MCRS1: variants seen among roughly 807,000 people sequenced by gnomAD.
MCRS1 encodes the protein microspherule protein 1, also known as 58 kDa microspherule protein.
A neutral mutation model predicts 62.9 loss-of-function variants in MCRS1; 22 were observed. The observed-to-expected ratio is 0.35, with a 90% CI of 0.25 to 0.50. The LOEUF is 0.50. MCRS1 is among the 20% of genes least tolerant of loss of function. The pLI is 0.98. For synonymous variants in MCRS1, 244 were observed against 233.5 expected, an observed-to-expected ratio of 1.04 and a Z score of -0.41; for missense variants, 456 against 601.1, an observed-to-expected ratio of 0.76 and a Z score of 2.52.
At position 49,559,610 on chromosome 12, in the gene MCRS1, A is replaced by G; in HGVS notation, c.1004-75T>C. 6.3e-7 allele frequency: 1 copy of G among 1,594,574 alleles called. No individual in the cohort carries two copies. The highest frequency in any genetic ancestry group is 8.6e-7 in the Non-Finnish European group (1 of 1,167,530). ...AAGGCAGGGAACCAGGGCAAGGTTT[A>G]TAAGGGAAGGGGGTCGGGGCCTGGG... On this transcript the variant is annotated intron_variant, in intron 11 of 14. Coordinates refer to ENST00000343810, the MANE Select transcript of MCRS1 (RefSeq NM_006337.5). This position sits in a 1 kb window ranked among gnomAD's most constrained non-coding sequence, Gnocchi z 5.2.
chr12:49,563,274 GGCTCT>G (rs1938871234), intron 7 of MCRS1, 135 bp from the exon 8 acceptor site: 2 of 1,437,746 alleles, frequency 1.4e-6, no homozygotes, highest in Non-Finnish European at 1.9e-6. Context: ...AGTCAGGCTT[GGCTCT>G]TCCTGAGGCC....
Position 49,559,934 on chromosome 12 carries a change from C to T in MCRS1, c.910+5G>A, listed in dbSNP as rs770772718. ...CCCCTCACCACCCCATGAGGCCATA[C>T]TTACCATGTTCCAGGACCTCATCTC... On this transcript the variant is annotated splice_donor_5th_base_variant and intron_variant, in intron 10 of 14. Coordinates refer to ENST00000343810, the MANE Select transcript of MCRS1 (RefSeq NM_006337.5). The surrounding 1 kb of genome is among the most constrained non-coding windows in gnomAD (Gnocchi z 5.2). 2 of 1,614,114 alleles carry T rather than the reference C, an allele frequency of 1.2e-6. No individual in the cohort carries two copies. Among genetic ancestry groups the T allele is most frequent in the African/African-American group, 2.7e-5 (2 of 74,944 alleles).
chr12:49,558,555 T>C lies in MCRS1; in HGVS notation c.*88A>G, dbSNP rs899673252. On this transcript the variant is annotated 3_prime_UTR_variant, in exon 15 of 15. Coordinates refer to ENST00000343810, the MANE Select transcript of MCRS1 (RefSeq NM_006337.5). The stretch of plus-strand genomic sequence containing the variant: ...AGCTGAGCCTCCCACTGCCCAGGTT[T>C]TTCCAGGAGCCTGAGTTCCCAGCTC... 2.8e-6 allele frequency: 4 copies of C among 1,414,840 alleles called. No homozygotes were observed. Among genetic ancestry groups the C allele is most frequent in the Non-Finnish European group, 2.9e-6 (3 of 1,021,488 alleles). The allele number at this position is 1,414,840 out of a possible 1,614,324, so 87.6% of individuals were successfully genotyped here. A position where few individuals can be genotyped will look rare whatever the true frequency, so the allele number is the denominator to read the frequency against.
chr12:49,563,339 T>C, intron 7 of MCRS1, 99 bp downstream of exon 7: 1 of 1,373,438 alleles, frequency 7.3e-7, no homozygotes, highest in Non-Finnish European at 1.0e-6. Context: ...TGTGCACATA[T>C]CCAGACAGTG....
At chr12:49,558,997 T>C (rs753480671) in intron 13 of MCRS1, 27 bp from the exon 14 acceptor site, 5 of 1,600,070 alleles carry the variant, frequency 3.1e-6, no homozygotes, top group Admixed American at 3.4e-5. Context: ...AAAGAAGGGA[T>C]GATGGGATGG....
At chr12:49,562,227 G>T (rs1306042116) in intron 8 of MCRS1, among the ~76,000 whole-genome samples, 1 of 152,200 alleles carries the variant, frequency 6.6e-6, no homozygotes, top group African/African-American at 2.4e-5. Context: ...TGTTTGAACT[G>T]TGTGAAAAAC....
intron 2 of MCRS1, 28 bp downstream of exon 2, chr12:49,566,694 T>C (rs200321716): frequency 5.0e-6 from 8 of 1,613,904 alleles, no homozygotes; most frequent in Non-Finnish European, 6.8e-6. Flanking sequence ...GCCCGAGCAT[T>C]TGGGGAGCTG....
intron 9 of MCRS1, 24 bp downstream of exon 9, chr12:49,560,271 C>A: frequency 6.2e-7 from 1 of 1,612,106 alleles, no homozygotes; most frequent in Non-Finnish European, 8.5e-7. Context: ...CTCTCCACCC[C>A]TTCCTGTGTC....
At chr12:49,563,316 G>T in intron 7 of MCRS1, 122 bp downstream of exon 7, 1 of 1,346,098 alleles carries the variant, frequency 7.4e-7, no homozygotes, top group South Asian at 1.3e-5. Flanking sequence ...CTGCCAATGT[G>T]CACACGTGTG....
Position 49,558,619 on chromosome 12 carries a change from G to A in MCRS1, c.*24C>T. On this transcript the variant is annotated 3_prime_UTR_variant, in exon 15 of 15. Coordinates refer to ENST00000343810, the MANE Select transcript of MCRS1 (RefSeq NM_006337.5). ...TGGCAGGGGAAACAGGCCGGAGAGG[G>A]CCCACGAGTCCTGCCACCACTCCTC... is the stretch of plus-strand genomic sequence containing the variant. 1 of 1,607,142 alleles carries A rather than the reference G, an allele frequency of 6.2e-7. No individual in the cohort carries two copies. Among genetic ancestry groups the A allele is most frequent in the Non-Finnish European group, 8.5e-7 (1 of 1,176,760 alleles).
At chr12:49,566,432 C>A in intron 2 of MCRS1, 1 of 1,572,468 alleles carries the variant, frequency 6.4e-7, no homozygotes, top group South Asian at 1.2e-5. Context: ...CCCGGTGCCA[C>A]GTGTCATGTC....
Position 49,558,688 on chromosome 12 carries a change from G to A in MCRS1, c.1344C>T (p.Leu448=). Residue 448 remains leucine, a synonymous_variant, in exon 15 of 15, where the codon CTC becomes CTT. Coordinates refer to ENST00000343810, the MANE Select transcript of MCRS1 (RefSeq NM_006337.5). Reference sequence around the variant, plus strand: ...CAGCCTCAGCCCTGATGAGGGCAATGAGGTCCTGGTTGATAAGGAAGACGA... The same window carrying A: ...CAGCCTCAGCCCTGATGAGGGCAATAAGGTCCTGGTTGATAAGGAAGACGA... The part of the protein sequence containing the change: ...LRFVFLINQD[L]IALIRAEAAK... 2 of 1,613,936 alleles carry A rather than the reference G, an allele frequency of 1.2e-6. No homozygotes were observed. The highest frequency in any genetic ancestry group is 1.7e-6 in the Non-Finnish European group (2 of 1,180,028).
At position 49,559,693 on chromosome 12, in the gene MCRS1, TG is replaced by T. The variant is rs755731046; in HGVS notation, c.1003+35del. On this transcript the variant is annotated intron_variant, in intron 11 of 14. Transcript: ENST00000343810. The surrounding 1 kb of genome is among the most constrained non-coding windows in gnomAD (Gnocchi z 5.2). ...GGGCACAGGCTGGGGCGAAGGATGC[TG>T]AAGAGTGAGCCTTCTGGTGCCCAGG... 1.9e-5 allele frequency: 31 copies of T among 1,611,906 alleles called. No individual in the cohort carries two copies. The African/African-American group carries it at 3.5e-4, about 18-fold the overall frequency.
Position 49,559,692 on chromosome 12 carries a change from C to G in MCRS1, c.1003+37G>C. Reference sequence around the variant, plus strand: ...GGGGCACAGGCTGGGGCGAAGGATGCTGAAGAGTGAGCCTTCTGGTGCCCA... The same window carrying G: ...GGGGCACAGGCTGGGGCGAAGGATGGTGAAGAGTGAGCCTTCTGGTGCCCA... On this transcript the variant is annotated intron_variant, in intron 11 of 14. Transcript: ENST00000343810. This position sits in a 1 kb window ranked among gnomAD's most constrained non-coding sequence, Gnocchi z 5.2. 1 of 1,611,378 alleles carries G rather than the reference C, an allele frequency of 6.2e-7. No homozygotes were observed. Among genetic ancestry groups the G allele is most frequent in the Non-Finnish European group, 8.5e-7 (1 of 1,177,914 alleles).
Position 49,566,143 on chromosome 12 carries a change from A to G in MCRS1, c.83T>C (p.Leu28Pro). ...TASRSEDEES[L>P]AGQKRASSQA... is the part of the protein sequence containing the mutation. Reference sequence around the variant, plus strand: ...GGAGGAGGCTCGCTTCTGCCCTGCCAGTGACTCCTCATCCTCTGAGCGGCT... The same window carrying G: ...GGAGGAGGCTCGCTTCTGCCCTGCCGGTGACTCCTCATCCTCTGAGCGGCT... The change falls in exon 3 of 15, where the codon CTG (leucine) becomes CCG (proline). Residue 28 changes from leucine (L) to proline (P), a missense_variant. Leu to Pro is a moderately conservative substitution (Grantham distance 98). This residue lies in a region of MCRS1 where 55 missense variants were observed against 49.3 expected (regional missense o/e 1.12). Coordinates refer to ENST00000343810, the MANE Select transcript of MCRS1 (RefSeq NM_006337.5). 1.2e-6 allele frequency: 2 copies of G among 1,614,212 alleles called. No individual in the cohort carries two copies. The highest frequency in any genetic ancestry group is 1.7e-6 in the Non-Finnish European group (2 of 1,180,022).
At chr12:49,566,622 G>A in intron 2 of MCRS1, 100 bp downstream of exon 2, 2 of 1,567,350 alleles carry the variant, frequency 1.3e-6, no homozygotes, top group Non-Finnish European at 1.7e-6. Context: ...GAGGTGGCAA[G>A]GCCTAGCCAG....
At chr12:49,565,487 T>C in intron 4 of MCRS1, 42 bp downstream of exon 4, 1 of 1,547,140 alleles carries the variant, frequency 6.5e-7, no homozygotes, top group Non-Finnish European at 8.7e-7. Context: ...AAACATGAAA[T>C]CTGGCACTAC....
intron 6 of MCRS1, 134 bp downstream of exon 6, chr12:49,564,347 T>C (rs1938934426): frequency 4.4e-6 from 3 of 677,492 alleles, no homozygotes; most frequent in Non-Finnish European, 7.5e-6. Context: ...CAGGCCTCAG[T>C]ATCACCCCCA....
At chr12:49,567,580 C>G (rs771597629) in intron 1 of MCRS1, 1 of 152,220 alleles carries the variant, frequency 6.6e-6, no homozygotes, top group Non-Finnish European at 1.5e-5. Context: ...ATCTTGACAT[C>G]TGAGGAGAGG....
Sources: allele counts gnomAD v4.1 joint callset (sites outside exome capture counted in the v4.1 genomes callset), GRCh38; gene constraint gnomAD v4.1.1; regional missense constraint gnomAD v4.1.1; non-coding constraint Gnocchi (gnomAD v3.1); transcripts MANE v1.5; gene names NCBI Gene and HGNC (gene_info 2026-07-23, HGNC 2026-07-21).